The following CNTN3 variants were observed in gnomAD, a reference collection of about 807,000 sequenced individuals.
CNTN3 encodes the protein contactin-3.
CNTN3 carries 60 observed loss-of-function variants against 119.1 expected under a neutral mutation model. The observed-to-expected ratio is 0.50, with a 90% confidence interval of 0.41 to 0.62. The LOEUF (loss-of-function observed/expected upper bound fraction) is 0.62. CNTN3 is among the 20% of genes least tolerant of loss of function. CNTN3 has a pLI of 0.00. For synonymous variants in CNTN3, 450 were observed against 438.7 expected (o/e 1.03, Z -0.32); for missense variants, 1,101 against 1,242.4 (o/e 0.89, Z 1.71).
At chr3:74,525,697 T>C (rs1437178954) in intron 1 of CNTN3, among the ~76,000 whole-genome samples, 1 of 151,920 alleles carries the variant, frequency 6.6e-6, no homozygotes, top group Non-Finnish European at 1.5e-5. Context: ...CAACACGTTC[T>C]CATGGCAATC....
At chr3:74,481,353 G>A (rs1376356111) in intron 4 of CNTN3, among the ~76,000 whole-genome samples, 2 of 151,566 alleles carry the variant, frequency 1.3e-5, no homozygotes, top group East Asian at 3.9e-4. Context: ...TCATATGTTG[G>A]GCCACAGGAA....
intron 19 of CNTN3, among the ~76,000 whole-genome samples, chr3:74,288,098 T>G (rs1239907691): frequency 6.6e-6 from 1 of 152,012 alleles, no homozygotes; most frequent in African/African-American, 2.4e-5. Flanking sequence ...TCCAGTGACA[T>G]TTTCATAGTC....
chr3:74,404,418 A>G (rs1705272886), intron 5 of CNTN3, among the ~76,000 whole-genome samples: 1 of 152,070 alleles, frequency 6.6e-6, no homozygotes, highest in African/African-American at 2.4e-5. Flanking sequence ...TGGTTTATCT[A>G]ATTCGGGCAC....
At chr3:74,516,149 CTT>C (rs1202310756) in intron 2 of CNTN3, among the ~76,000 whole-genome samples, 7 of 151,972 alleles carry the variant, frequency 4.6e-5, no homozygotes, top group African/African-American at 1.7e-4. Flanking sequence ...AGCTATGTGA[CTT>C]TGAACAAGTA....
In CNTN3 at chr3:74,323,870, C is replaced by G. The variant is rs575474486; in HGVS notation, c.1668+10865G>C. 1.7e-3 allele frequency among the ~76,000 whole-genome samples: 266 copies of G among 152,144 alleles called. 1 individual carries two copies. Among genetic ancestry groups the G allele is most frequent in the Non-Finnish European group, 3.1e-3 (209 of 68,012 alleles). ...CCAGTCAACATCAGCGTCAGCCTCC[C>G]AGAGATGAGATTTTTTTTAAATTTT... is the stretch of plus-strand genomic sequence containing the variant. On this transcript the variant is annotated intron_variant, in intron 13 of 22. Coordinates refer to ENST00000263665, the MANE Select transcript of CNTN3 (RefSeq NM_020872.3).
chr3:74,552,614 T>C (rs1318632863), intron 1 of CNTN3, among the ~76,000 whole-genome samples: 1 of 152,198 alleles, frequency 6.6e-6, no homozygotes, highest in Non-Finnish European at 1.5e-5. Context: ...GAATGTTGTC[T>C]CATATGATTT....
At position 74,364,554 on chromosome 3, in the gene CNTN3, G is replaced by A; in HGVS notation, c.1126C>T (p.Leu376=). 6.2e-7 allele frequency: 1 copy of A among 1,611,154 alleles called. No individual in the cohort carries two copies. Among genetic ancestry groups the A allele is most frequent in the Non-Finnish European group, 8.5e-7 (1 of 1,177,794 alleles). The change falls in exon 10 of 23, where the codon CTA becomes TTA. Residue 376 remains leucine, a synonymous_variant. Coordinates refer to ENST00000263665, the MANE Select transcript of CNTN3 (RefSeq NM_020872.3). ...IENGALTISN[L]SVTDSGMFQC... ...AACATGCCAGAATCAGTCACACTTA[G>A]GTTTGATATTGTAAGGGCACCATTT...
intron 4 of CNTN3, among the ~76,000 whole-genome samples, chr3:74,430,851 A>G (rs577890172): frequency 6.6e-6 from 1 of 152,134 alleles, no homozygotes; most frequent in Non-Finnish European, 1.5e-5. Flanking sequence ...CCAGTTCCTC[A>G]TATTTCCTTA....
At chr3:74,418,669 A>C (rs972619358) in intron 5 of CNTN3, among the ~76,000 whole-genome samples, 17 of 151,858 alleles carry the variant, frequency 1.1e-4, no homozygotes, top group Non-Finnish European at 1.9e-4. Context: ...TCCCAAATAA[A>C]ACATCAAATT....
At chr3:74,534,341 T>C (rs1559648782) in intron 1 of CNTN3, among the ~76,000 whole-genome samples, 1 of 152,006 alleles carries the variant, frequency 6.6e-6, no homozygotes. Flanking sequence ...CCCTCTCATA[T>C]CCCCACTTTA....
Position 74,401,500 on chromosome 3 carries a change from CCA to C in CNTN3, c.454+23343_454+23344del, listed in dbSNP as rs759862895. Among the ~76,000 whole-genome samples the C allele has an allele frequency of 4.3e-3, 647 of 150,950 alleles. 8 individuals carry two copies. The highest frequency in any genetic ancestry group is 0.03 in the East Asian group (152 of 5,148). On this transcript the variant is annotated intron_variant, in intron 5 of 22. Coordinates refer to ENST00000263665, the MANE Select transcript of CNTN3 (RefSeq NM_020872.3). ...CTCCTCTCTTTCTCTAGTGCACACA[CCA>C]CACACGCGCGCACGCACACACACAC...
At chr3:74,545,286 G>A (rs1273711440) in intron 1 of CNTN3, among the ~76,000 whole-genome samples, 1 of 152,128 alleles carries the variant, frequency 6.6e-6, no homozygotes, top group Non-Finnish European at 1.5e-5. Context: ...CTGGTGGGAT[G>A]CCAATTTAGG....
intron 1 of CNTN3, among the ~76,000 whole-genome samples, chr3:74,602,435 T>C (rs1704927010): frequency 6.6e-6 from 1 of 152,018 alleles, no homozygotes; most frequent in Non-Finnish European, 1.5e-5. Flanking sequence ...GGCTTTTTTC[T>C]ACATAGAATT....
chr3:74,428,136 A>G (rs942724477), intron 4 of CNTN3, among the ~76,000 whole-genome samples: 19 of 152,316 alleles, frequency 1.2e-4, no homozygotes, highest in African/African-American at 4.3e-4. Context: ...TGCCAGTCAT[A>G]TAAAAGTTTT....
chr3:74,372,309 A>G (rs1334559021), intron 5 of CNTN3, among the ~76,000 whole-genome samples: 2 of 152,194 alleles, frequency 1.3e-5, no homozygotes, highest in Non-Finnish European at 2.9e-5. Context: ...ACTGACTAAC[A>G]TCTATGTAAA....
chr3:74,383,860 T>A (rs2106815958), intron 5 of CNTN3, among the ~76,000 whole-genome samples: 1 of 152,330 alleles, frequency 6.6e-6, no homozygotes, highest in East Asian at 1.9e-4. Context: ...GATTGAATAT[T>A]GGCTTCATTG....
intron 20 of CNTN3, among the ~76,000 whole-genome samples, chr3:74,274,041 C>T (rs1701833238): frequency 1.3e-5 from 2 of 152,032 alleles, no homozygotes; most frequent in South Asian, 4.1e-4. Flanking sequence ...GCTGGCTTTC[C>T]TTCACTTCTC....
intron 11 of CNTN3, among the ~76,000 whole-genome samples, chr3:74,341,700 G>A (rs975769106): frequency 2.0e-5 from 3 of 152,006 alleles, no homozygotes; most frequent in Non-Finnish European, 4.4e-5. Context: ...TTAAATTTAT[G>A]ACTGTTAAAA....
intron 3 of CNTN3, among the ~76,000 whole-genome samples, chr3:74,488,692 C>T (rs1408032821): frequency 2.9e-4 from 44 of 152,096 alleles, no homozygotes; most frequent in Non-Finnish European, 4.4e-5. Context: ...CTCACTTTTT[C>T]TGTTTTCCTT....
Sources: gnomAD v4.1 joint callset for allele counts (sites outside exome capture counted in the v4.1 genomes callset) on GRCh38, gnomAD v4.1.1 for gene constraint, MANE v1.5 for transcripts, NCBI Gene and HGNC (gene_info 2026-07-23, HGNC 2026-07-21) for gene names.